NBEA: variants seen among roughly 807,000 people sequenced by gnomAD.
NBEA encodes lysosomal-trafficking regulator 2.
NBEA carries 44 observed loss-of-function variants against 343.4 expected under a neutral mutation model. That is an observed-to-expected ratio of 0.13 (90% CI 0.10 to 0.16). NBEA has a LOEUF of 0.16. NBEA is among the 10% of genes least tolerant of loss of function. The probability of loss-of-function intolerance (pLI) is 1.00; values close to 1 mark genes in which losing one functional copy is unlikely to be tolerated. For missense variants in NBEA, 2,555 were observed against 3,631.3 expected, an observed-to-expected ratio of 0.70 and a Z score of 7.62; for synonymous variants, 1,175 against 1,238.7, an observed-to-expected ratio of 0.95 and a Z score of 1.08.
At chr13:35,051,613 T>C (rs1593591514) in intron 6 of NBEA, among the ~76,000 whole-genome samples, 1 of 151,998 alleles carries the variant, frequency 6.6e-6, no homozygotes, top group Non-Finnish European at 1.5e-5. Flanking sequence ...ATAAATATAT[T>C]CATTCATTAT....
intron 1 of NBEA, among the ~76,000 whole-genome samples, chr13:34,957,151 C>T (rs2152488284): frequency 6.6e-6 from 1 of 152,134 alleles, no homozygotes; most frequent in South Asian, 2.1e-4. Context: ...TTTTCCCTTG[C>T]ATTTGTTTTG....
chr13:35,317,733 A>G (rs1406832650), intron 36 of NBEA, among the ~76,000 whole-genome samples: 1 of 152,198 alleles, frequency 6.6e-6, no homozygotes, highest in African/African-American at 2.4e-5. Flanking sequence ...CTTCCTATCC[A>G]TGAGCATGGA....
chr13:35,029,914 G>T (rs1335437346), intron 1 of NBEA, among the ~76,000 whole-genome samples: 2 of 151,642 alleles, frequency 1.3e-5, no homozygotes, highest in Non-Finnish European at 3.0e-5. Flanking sequence ...TTCTTGAGTA[G>T]CAAGCATCAT....
intron 43 of NBEA, among the ~76,000 whole-genome samples, chr13:35,554,138 A>G (rs1424646572): frequency 6.6e-6 from 1 of 152,222 alleles, no homozygotes; most frequent in Non-Finnish European, 1.5e-5. Flanking sequence ...TGTATTTTCA[A>G]ATAGCTACTC....
At chr13:35,444,055 G>C (rs1480145107) in intron 39 of NBEA, among the ~76,000 whole-genome samples, 4 of 151,906 alleles carry the variant, frequency 2.6e-5, no homozygotes, top group African/African-American at 9.7e-5. Context: ...ACAGTAGACT[G>C]TTCTAGTGTG....
At chr13:35,300,627 A>G (rs1416015496) in intron 35 of NBEA, among the ~76,000 whole-genome samples, 2 of 152,182 alleles carry the variant, frequency 1.3e-5, no homozygotes, top group Admixed American at 1.3e-4. Flanking sequence ...TTTCATTGCT[A>G]TCATAAATTC....
chr13:35,499,835 A>G (rs1161147606), intron 41 of NBEA, among the ~76,000 whole-genome samples: 2 of 152,112 alleles, frequency 1.3e-5, no homozygotes, highest in Admixed American at 6.6e-5. Context: ...TTTGCAGTTC[A>G]TGAAGGACAA....
intron 28 of NBEA, among the ~76,000 whole-genome samples, chr13:35,180,744 G>A (rs1477112960): frequency 3.3e-5 from 5 of 151,664 alleles, no homozygotes; most frequent in African/African-American, 9.7e-5. Context: ...CTTTAGTGGC[G>A]ATTTGTGAGA....
At chr13:35,157,299 A>T in intron 21 of NBEA, 29 bp downstream of exon 21, 4 of 1,473,890 alleles carry the variant, frequency 2.7e-6, no homozygotes, top group Non-Finnish European at 3.6e-6. Flanking sequence ...TTTTAACATC[A>T]TCAGAGTTAT....
chr13:35,155,776 C>A lies in NBEA; in HGVS notation c.2448C>A (p.Ile816=). The stretch of plus-strand genomic sequence containing the variant: ...AGTTCAAATTCTTCATTTTTCAGAT[C>A]TTGACAGAACAAGTATGTACTCAGG... ...TVTTYNTLYE[I]LTEQVCTQVV... is the part of the protein sequence containing the mutation. Residue 816 remains isoleucine, a splice_region_variant and synonymous_variant, in exon 19 of 59, where the codon ATC becomes ATA. Transcript: ENST00000379939. 1.2e-6 allele frequency: 2 copies of A among 1,602,338 alleles called. No individual in the cohort carries two copies. Among genetic ancestry groups the A allele is most frequent in the Non-Finnish European group, 1.7e-6 (2 of 1,170,186 alleles).
chr13:35,213,362 A>AAT (rs1202813503), intron 33 of NBEA, among the ~76,000 whole-genome samples: 1 of 152,026 alleles, frequency 6.6e-6, no homozygotes, highest in Non-Finnish European at 1.5e-5. Flanking sequence ...AGGTTTAATA[A>AAT]ATATTGAGTT....
At chr13:35,388,301 C>T (rs1044765232) in intron 38 of NBEA, among the ~76,000 whole-genome samples, 4 of 152,014 alleles carry the variant, frequency 2.6e-5, no homozygotes. Flanking sequence ...TCTTGGAAAG[C>T]CTTCTGGGTG....
At chr13:35,405,360 G>A (rs1327496933) in intron 38 of NBEA, among the ~76,000 whole-genome samples, 1 of 152,152 alleles carries the variant, frequency 6.6e-6, no homozygotes, top group Non-Finnish European at 1.5e-5. Flanking sequence ...TTAGTAGACT[G>A]TCTCATGCTG....
At chr13:35,197,178 C>A (rs997627126) in intron 31 of NBEA, among the ~76,000 whole-genome samples, 3 of 152,022 alleles carry the variant, frequency 2.0e-5, no homozygotes, top group African/African-American at 7.2e-5. Context: ...AATGCCTATT[C>A]CAAATAATGT....
At chr13:35,664,044 G>A (rs996660330) in intron 55 of NBEA, among the ~76,000 whole-genome samples, 5 of 152,142 alleles carry the variant, frequency 3.3e-5, no homozygotes, top group African/African-American at 1.2e-4. Context: ...GATGTGGGTC[G>A]TCTTACTGGG....
At chr13:35,050,433 T>C (rs974799508) in intron 6 of NBEA, 38 bp downstream of exon 6, 54 of 1,583,306 alleles carry the variant, frequency 3.4e-5, no homozygotes, top group Non-Finnish European at 4.3e-5. Context: ...TCACCTGTTA[T>C]GACAGAATTC....
intron 34 of NBEA, among the ~76,000 whole-genome samples, chr13:35,254,602 A>G (rs1383096822): frequency 2.6e-5 from 4 of 152,030 alleles, no homozygotes; most frequent in Admixed American, 2.6e-4. Context: ...AATTACAAGC[A>G]TGAGCCACCG....
intron 38 of NBEA, among the ~76,000 whole-genome samples, chr13:35,373,556 T>C (rs972804854): frequency 1.1e-4 from 17 of 151,064 alleles, no homozygotes; most frequent in East Asian, 2.0e-4. Flanking sequence ...AATACAAAAA[T>C]TAGCCGGGCA....
chr13:35,316,661 C>T lies in NBEA; in HGVS notation c.5903+7069C>T, dbSNP rs1022064681. ...GCTGGGTCAAATGGTATTTCTGGTTCTAGATCCTAGAGGAATTGCCACACT... is the reference window on the plus strand; with the variant it reads ...GCTGGGTCAAATGGTATTTCTGGTTTTAGATCCTAGAGGAATTGCCACACT... On this transcript the variant is annotated intron_variant, in intron 36 of 58. Coordinates refer to ENST00000379939, the MANE Select transcript of NBEA (RefSeq NM_001385012.1). Among the ~76,000 whole-genome samples, 9 of 152,094 alleles carry T rather than the reference C, an allele frequency of 5.9e-5. No homozygotes were observed. In the South Asian group the frequency reaches 1.7e-3, roughly 28 times the overall value.
Sources: allele counts gnomAD v4.1 joint callset (sites outside exome capture counted in the v4.1 genomes callset), GRCh38; gene constraint gnomAD v4.1.1; transcripts MANE v1.5; gene names NCBI Gene and HGNC (gene_info 2026-07-23, HGNC 2026-07-21).